Variants in METTL15 observed in about 807,000 individuals in gnomAD.
METTL15 encodes the protein 12S rRNA N(4)-cytidine methyltransferase METTL15.
In METTL15, 34 loss-of-function variants were observed where a neutral mutation model predicts 38.3. The ratio of observed to expected loss-of-function variants is 0.89; its 90% confidence interval spans 0.68 to 1.18. The LOEUF is 1.18. Ranked by LOEUF, METTL15 falls within the 50% of genes most tolerant of loss-of-function variation. The pLI, the probability that METTL15 is intolerant of heterozygous loss-of-function variation, is 0.00. For synonymous variants in METTL15, 162 were observed against 170.9 expected, an observed-to-expected ratio of 0.95 and a Z score of 0.41; for missense variants, 438 against 498.4, an observed-to-expected ratio of 0.88 and a Z score of 1.15.
At chr11:28,202,391 G>C (rs113156504) in intron 3 of METTL15, among the ~76,000 whole-genome samples, 20 of 151,992 alleles carry the variant, frequency 1.3e-4, no homozygotes, top group Non-Finnish European at 2.2e-4. Flanking sequence ...TGGAATAAAT[G>C]TCTGGTTTTT....
chr11:28,186,954 A>G (rs1851517734), intron 3 of METTL15, among the ~76,000 whole-genome samples: 2 of 151,134 alleles, frequency 1.3e-5, no homozygotes, highest in African/African-American at 4.8e-5. Flanking sequence ...CCTTAATCAC[A>G]TAATATAAAA....
At chr11:28,210,939 G>A in intron 3 of METTL15, 123 bp from the exon 4 acceptor site, 3 of 1,023,650 alleles carry the variant, frequency 2.9e-6, no homozygotes, top group Non-Finnish European at 4.2e-6. Context: ...CACAACGATT[G>A]TAATTATTTT....
intron 4 of METTL15, among the ~76,000 whole-genome samples, chr11:28,240,732 A>T (rs1003010963): frequency 1.3e-5 from 2 of 151,828 alleles, no homozygotes; most frequent in Non-Finnish European, 3.0e-5. Flanking sequence ...ATTTAACTTG[A>T]ATCGGTCTTA....
intron 3 of METTL15, among the ~76,000 whole-genome samples, chr11:28,158,743 A>G (rs888681507): frequency 1.3e-5 from 2 of 152,214 alleles, no homozygotes; most frequent in Non-Finnish European, 1.5e-5. Context: ...TAAGAAGTGC[A>G]GCAGTGGGCT....
chr11:28,311,969 G>A lies in METTL15; in HGVS notation c.778+15038G>A, dbSNP rs533113670. On this transcript the variant is annotated intron_variant, in intron 6 of 6. Coordinates refer to ENST00000407364, the MANE Select transcript of METTL15 (RefSeq NM_001113528.2). ...ATATCAGTGGCAGTCAAGGGACTGG[G>A]AACCTAAAGCTTAAGAAGCAATGTA... Among the ~76,000 whole-genome samples, 85 of 152,318 alleles carry A rather than the reference G, an allele frequency of 5.6e-4. 1 individual carries two copies. Among genetic ancestry groups the A allele is most frequent in the African/African-American group, 2.0e-3 (85 of 41,584 alleles).
chr11:28,350,767 A>G (rs993218892), intron 3 of METTL15, among the ~76,000 whole-genome samples: 3 of 152,256 alleles, frequency 2.0e-5, no homozygotes, highest in East Asian at 1.9e-4. Flanking sequence ...TCTGAGCACT[A>G]TAAGACAAAA....
Position 28,289,136 on chromosome 11 carries a change from CA to C in METTL15, c.408-1068del, listed in dbSNP as rs1221416748. On this transcript the variant is annotated intron_variant, in intron 4 of 6. Coordinates refer to ENST00000407364, the MANE Select transcript of METTL15 (RefSeq NM_001113528.2). Reference sequence around the variant, plus strand: ...TTTAATTTTCCCAATAAGAACAGGGCAATTTGTTGATTATTCTGTTAGTGGC... The same window carrying C: ...TTTAATTTTCCCAATAAGAACAGGGCATTTGTTGATTATTCTGTTAGTGGC... Among the ~76,000 whole-genome samples, 3 of 152,042 alleles carry C rather than the reference CA, an allele frequency of 2.0e-5. 1 individual carries two copies. The highest frequency in any genetic ancestry group is 4.4e-5 in the Non-Finnish European group (3 of 67,992).
At chr11:28,298,956 T>TA (rs1856827621) in intron 6 of METTL15, among the ~76,000 whole-genome samples, 1 of 152,124 alleles carries the variant, frequency 6.6e-6, no homozygotes, top group Admixed American at 6.6e-5. Flanking sequence ...GCTAATCAGA[T>TA]ACAACCTCTG....
chr11:28,359,533 C>G (rs976110067), intron 4 of METTL15, among the ~76,000 whole-genome samples: 3 of 152,128 alleles, frequency 2.0e-5, no homozygotes, highest in Non-Finnish European at 4.4e-5. Context: ...TATTTTCATT[C>G]CCACCAACAG....
chr11:28,451,412 C>G (rs1190167621), intron 6 of METTL15, among the ~76,000 whole-genome samples: 1 of 151,668 alleles, frequency 6.6e-6, no homozygotes, highest in African/African-American at 2.4e-5. Flanking sequence ...GGTGAAACCC[C>G]GTCTCTACTA....
intron 6 of METTL15, among the ~76,000 whole-genome samples, chr11:28,448,633 T>C (rs999388713): frequency 6.6e-6 from 1 of 152,206 alleles, no homozygotes; most frequent in African/African-American, 2.4e-5. Flanking sequence ...TTTTTTCACA[T>C]GCTTTCTCTC....
At chr11:28,420,528 A>G (rs1850810186) in intron 5 of METTL15, among the ~76,000 whole-genome samples, 1 of 152,150 alleles carries the variant, frequency 6.6e-6, no homozygotes, top group South Asian at 2.1e-4. Context: ...ATCTTCTCTG[A>G]CCACAATGGA....
intron 6 of METTL15, among the ~76,000 whole-genome samples, chr11:28,466,243 G>T (rs916370303): frequency 9.2e-5 from 14 of 152,194 alleles, no homozygotes; most frequent in African/African-American, 3.1e-4. Context: ...CAGGAATCAG[G>T]TGGATAGATT....
intron 4 of METTL15, among the ~76,000 whole-genome samples, chr11:28,260,726 G>A (rs1269794696): frequency 6.6e-6 from 1 of 152,178 alleles, no homozygotes; most frequent in Non-Finnish European, 1.5e-5. Flanking sequence ...TGTTAAAATA[G>A]GGAAGAATAT....
At chr11:28,267,166 A>T in intron 4 of METTL15, among the ~76,000 whole-genome samples, 1 of 148,062 alleles carries the variant, frequency 6.8e-6, no homozygotes, top group Non-Finnish European at 1.5e-5. Context: ...ATCTCAAAAA[A>T]AAAAAAAAAA....
At chr11:28,375,521 A>G (rs1461835718) in intron 5 of METTL15, among the ~76,000 whole-genome samples, 3 of 151,670 alleles carry the variant, frequency 2.0e-5, no homozygotes, top group Non-Finnish European at 4.4e-5. Flanking sequence ...TATCCCCTTT[A>G]TCATTTTTTA....
At chr11:28,236,486 T>C (rs536206145) in intron 4 of METTL15, among the ~76,000 whole-genome samples, 84 of 152,282 alleles carry the variant, frequency 5.5e-4, no homozygotes, top group Middle Eastern at 3.4e-3. Context: ...AATTTCAGAT[T>C]CTGTTATTGG....
chr11:28,400,682 A>G (rs1041101673), intron 5 of METTL15, among the ~76,000 whole-genome samples: 1 of 151,956 alleles, frequency 6.6e-6, no homozygotes, highest in African/African-American at 2.4e-5. Flanking sequence ...AGGGGTTTAC[A>G]TTACCCACAT....
intron 4 of METTL15, among the ~76,000 whole-genome samples, chr11:28,278,660 CCT>C (rs932934413): frequency 6.6e-6 from 1 of 152,174 alleles, no homozygotes; most frequent in Non-Finnish European, 1.5e-5. Context: ...TCAGTCCTTA[CCT>C]CTCTCTTGTC....
Sources: allele counts gnomAD v4.1 joint callset (sites outside exome capture counted in the v4.1 genomes callset), GRCh38; gene constraint gnomAD v4.1.1; transcripts MANE v1.5; gene names NCBI Gene and HGNC (gene_info 2026-07-23, HGNC 2026-07-21).